Variants in INTS13 observed in about 807,000 individuals in gnomAD.
INTS13 encodes integrator complex subunit 13.
In INTS13, 35 loss-of-function variants were observed where a neutral mutation model predicts 90.2. The ratio of observed to expected loss-of-function variants is 0.39; its 90% confidence interval spans 0.30 to 0.51. The LOEUF (loss-of-function observed/expected upper bound fraction) is 0.51. Ranked by LOEUF, INTS13 falls within the 20% of genes least tolerant of loss-of-function variation. The pLI, the probability that INTS13 is intolerant of heterozygous loss-of-function variation, is 0.80. For synonymous variants in INTS13, 309 were observed against 277.1 expected, an observed-to-expected ratio of 1.11 and a Z score of -1.14; for missense variants, 601 against 851.2, an observed-to-expected ratio of 0.71 and a Z score of 3.66.
At chr12:26,934,077 C>A (rs80127764) in intron 3 of INTS13, among the ~76,000 whole-genome samples, 16,457 of 152,146 alleles carry the variant, frequency 0.11, 1,226 homozygotes, top group Admixed American at 0.22. Context: ...AGTTCAAGAC[C>A]AGCCTGGCCA....
rs1211467708 is a variant in INTS13, at chr12:26,916,011, G to T, written c.1239C>A (p.Tyr413Ter). The T allele has an allele frequency of 5.0e-6, 8 of 1,610,588 alleles. No homozygotes were observed. Among genetic ancestry groups the T allele is most frequent in the Non-Finnish European group, 6.8e-6 (8 of 1,178,452 alleles). The change falls in exon 11 of 17, where the codon TAC (tyrosine) becomes TAA (stop). Residue 413 changes from tyrosine (Y) to a stop codon, truncating the protein, a stop_gained. Coordinates refer to ENST00000261191, the MANE Select transcript of INTS13 (RefSeq NM_018164.3). LOFTEE classifies it high-confidence loss of function. ...SEGCGGRVTD[Y>*]RITDFGEFMR... ...GATATTAGAGTCTTACTGTAATCCG[G>T]TAGTCTGTAACTCTTCCTCCACATC... is the stretch of plus-strand genomic sequence containing the variant.
chr12:26,924,274 T>A lies in INTS13; in HGVS notation c.804+81A>T, dbSNP rs566486702. ...TCCCAAAGTGCTGGGATTACAGGCA[T>A]GAGCTACCACGCCTGGCCTCAAACA... is the stretch of plus-strand genomic sequence containing the variant. On this transcript the variant is annotated intron_variant, in intron 7 of 16. Coordinates refer to ENST00000261191, the MANE Select transcript of INTS13 (RefSeq NM_018164.3). 16 of 1,481,194 alleles carry A rather than the reference T, an allele frequency of 1.1e-5. No individual in the cohort carries two copies. The South Asian group carries it at 1.9e-4, about 18-fold the overall frequency. 91.8% of individuals were successfully genotyped at this position (1,481,194 alleles called of 1,614,324 possible).
At chr12:26,914,708 C>T (rs998153429) in intron 11 of INTS13, 130 bp from the exon 12 acceptor site, 39 of 621,794 alleles carry the variant, frequency 6.3e-5, no homozygotes, top group East Asian at 2.6e-4. Context: ...CTAACAGTAT[C>T]CCTTAACTCC....
At chr12:26,907,090 A>G (rs1055933736) in intron 15 of INTS13, among the ~76,000 whole-genome samples, 12 of 152,246 alleles carry the variant, frequency 7.9e-5, no homozygotes, top group African/African-American at 2.9e-4. Flanking sequence ...TCTAATTATA[A>G]TAGTCTCAGG....
chr12:26,912,784 G>A (rs1000557066), intron 14 of INTS13, among the ~76,000 whole-genome samples: 3 of 151,124 alleles, frequency 2.0e-5, no homozygotes, highest in Non-Finnish European at 4.4e-5. Context: ...CTGGAGTGCA[G>A]TGGAGGAATC....
chr12:26,932,780 C>G (rs1440171608), intron 3 of INTS13, among the ~76,000 whole-genome samples: 1 of 152,184 alleles, frequency 6.6e-6, no homozygotes, highest in Non-Finnish European at 1.5e-5. Flanking sequence ...AGAACAGTCC[C>G]AGAGAGACCA....
rs988715729 is a variant in INTS13 at position 26,917,771 on chromosome 12, A to T, written c.890-38T>A. ...GTCAGAGACATTACACATTGTATAC[A>T]TGTATCAAAACATCACACTGTATCC... On this transcript the variant is annotated intron_variant, in intron 8 of 16. Transcript: ENST00000261191. 8 of 1,379,444 alleles carry T rather than the reference A, an allele frequency of 5.8e-6. No individual in the cohort carries two copies. The Admixed American group carries it at 1.0e-4, about 18-fold the overall frequency. 85.5% of individuals were successfully genotyped at this position (1,379,444 alleles called of 1,614,324 possible). A position where few individuals can be genotyped will look rare whatever the true frequency, so the allele number is the denominator to read the frequency against.
At chr12:26,914,223 G>A (rs903235267) in intron 12 of INTS13, 95 bp from the exon 13 acceptor site, 5 of 1,257,272 alleles carry the variant, frequency 4.0e-6, no homozygotes, top group Admixed American at 6.2e-5. Context: ...GGATTTTAAA[G>A]ATTATCATGG....
chr12:26,915,243 C>A (rs1159485752), intron 11 of INTS13, among the ~76,000 whole-genome samples: 2 of 151,772 alleles, frequency 1.3e-5, no homozygotes, highest in South Asian at 2.1e-4. Context: ...AACAAACAAA[C>A]AAAAAAACTA....
intron 7 of INTS13, among the ~76,000 whole-genome samples, chr12:26,923,702 A>C (rs1264032066): frequency 1.3e-5 from 2 of 152,210 alleles, no homozygotes; most frequent in African/African-American, 4.8e-5. Context: ...AAAATCACAG[A>C]GCTCACATCT....
intron 15 of INTS13, among the ~76,000 whole-genome samples, chr12:26,907,296 G>A (rs1951638698): frequency 2.2e-5 from 1 of 45,314 alleles, no homozygotes; most frequent in Non-Finnish European, 3.7e-5. Context: ...AGAGAATCCA[G>A]AAGCAGATCC....
intron 3 of INTS13, among the ~76,000 whole-genome samples, chr12:26,931,098 A>AT (rs1347065885): frequency 2.6e-5 from 4 of 152,008 alleles, no homozygotes; most frequent in Admixed American, 6.6e-5. Flanking sequence ...AAAGCATTCT[A>AT]TTTAAAACTA....
At chr12:26,938,138 C>G (rs1203287795), upstream of INTS13, 2 of 152,746 alleles carry the variant, frequency 1.3e-5, no homozygotes, top group Non-Finnish European at 2.9e-5. Flanking sequence ...AAAAAAAAGC[C>G]TCCACCCCTC....
At chr12:26,935,565 C>G (rs760678403) in intron 2 of INTS13, among the ~76,000 whole-genome samples, 1 of 152,104 alleles carries the variant, frequency 6.6e-6, no homozygotes, top group Non-Finnish European at 1.5e-5. Context: ...TATACTTACA[C>G]GGGAGGAAAC....
intron 3 of INTS13, among the ~76,000 whole-genome samples, chr12:26,931,264 G>A (rs967937840): frequency 2.0e-5 from 3 of 151,930 alleles, no homozygotes; most frequent in African/African-American, 7.2e-5. Context: ...CTAACACAGT[G>A]AAACCCCATC....
chr12:26,909,301 C>T (rs931818548), intron 15 of INTS13, among the ~76,000 whole-genome samples: 1 of 152,118 alleles, frequency 6.6e-6, no homozygotes, highest in Non-Finnish European at 1.5e-5. Flanking sequence ...GCAGAGGCTG[C>T]ACTGGGCTGA....
At position 26,905,448 on chromosome 12, in the gene INTS13, G is replaced by A. The variant is rs373184322; in HGVS notation, c.*49C>T. The A allele has an allele frequency of 1.5e-4, 228 of 1,561,410 alleles. No homozygotes were observed. In the African/African-American group the frequency reaches 1.9e-3, roughly 13 times the overall value. On this transcript the variant is annotated 3_prime_UTR_variant, in exon 17 of 17. Coordinates refer to ENST00000261191, the MANE Select transcript of INTS13 (RefSeq NM_018164.3). ...TGTAAAAGTACTTATATCGAATTCC[G>A]CACAAAATATTTTTGCAATATGCTA... is the stretch of plus-strand genomic sequence containing the variant.
chr12:26,922,093 T>C (rs1351750092), intron 8 of INTS13, among the ~76,000 whole-genome samples: 1 of 152,244 alleles, frequency 6.6e-6, no homozygotes, highest in African/African-American at 2.4e-5. Context: ...CATTCCTTTG[T>C]CCAGCATATA....
intron 11 of INTS13, among the ~76,000 whole-genome samples, chr12:26,915,601 G>A (rs894402918): frequency 2.0e-5 from 3 of 152,062 alleles, no homozygotes; most frequent in African/African-American, 7.2e-5. Flanking sequence ...ACCAAAAATG[G>A]ACATAAATTT....
Sources: gnomAD v4.1 joint callset for allele counts (sites outside exome capture counted in the v4.1 genomes callset) on GRCh38, gnomAD v4.1.1 for gene constraint, MANE v1.5 for transcripts, NCBI Gene and HGNC (gene_info 2026-07-23, HGNC 2026-07-21) for gene names.